CCSER1: variants seen among roughly 807,000 people sequenced by gnomAD.
CCSER1 encodes coiled-coil serine rich protein 1, also known as serine-rich coiled-coil domain-containing protein 1.
In CCSER1, 41 loss-of-function variants were observed where a neutral mutation model predicts 82.0. The ratio of observed to expected loss-of-function variants is 0.50; its 90% confidence interval spans 0.39 to 0.65. CCSER1 has a LOEUF of 0.65. Among genes scored for constraint, CCSER1 ranks in the 30% least tolerant of loss-of-function variants. The pLI is 0.00. For missense variants in CCSER1, 1,119 were observed against 1,064.2 expected, an observed-to-expected ratio of 1.05 and a Z score of -0.72; for synonymous variants, 414 against 383.9, an observed-to-expected ratio of 1.08 and a Z score of -0.92.
chr4:90,203,704 C>T (rs1738201551), intron 1 of CCSER1, among the ~76,000 whole-genome samples: 1 of 151,888 alleles, frequency 6.6e-6, no homozygotes, highest in South Asian at 2.1e-4. Flanking sequence ...CCTTTATATA[C>T]CAAGTAATGG....
intron 9 of CCSER1, among the ~76,000 whole-genome samples, chr4:91,038,854 C>T (rs377021286): frequency 2.0e-5 from 3 of 151,928 alleles, no homozygotes; most frequent in African/African-American, 4.8e-5. Flanking sequence ...ATTTAAATAT[C>T]TTGCAGTGGC....
At chr4:90,233,198 C>A (rs1031479977) in intron 1 of CCSER1, among the ~76,000 whole-genome samples, 24 of 152,144 alleles carry the variant, frequency 1.6e-4, no homozygotes, top group Admixed American at 1.0e-3. Flanking sequence ...GCATTATTCA[C>A]AATAGCAAAG....
intron 10 of CCSER1, among the ~76,000 whole-genome samples, chr4:91,192,541 T>C (rs1735090380): frequency 6.6e-6 from 1 of 152,108 alleles, no homozygotes; most frequent in African/African-American, 2.4e-5. Flanking sequence ...TGTCAAATGC[T>C]CTCTTTCCTT....
At chr4:91,132,845 A>G (rs1728113542) in intron 10 of CCSER1, among the ~76,000 whole-genome samples, 1 of 152,214 alleles carries the variant, frequency 6.6e-6, no homozygotes, top group African/African-American at 2.4e-5. Flanking sequence ...ATCTTAAAAT[A>G]TATGACCTCT....
chr4:90,912,828 C>A (rs974121476), intron 8 of CCSER1, among the ~76,000 whole-genome samples: 1 of 152,176 alleles, frequency 6.6e-6, no homozygotes, highest in African/African-American at 2.4e-5. Flanking sequence ...GTCACGAGAA[C>A]TACGTGACGA....
At chr4:90,271,860 ATATTTTTTTTTTTTTT>A (rs1452741785) in intron 1 of CCSER1, among the ~76,000 whole-genome samples, 5 of 22,250 alleles carry the variant, frequency 2.2e-4, no homozygotes, top group African/African-American at 1.9e-3. Flanking sequence ...ATATATATAT[ATATTTTTTTTTTTTTT>A]TTTTTTTTTT....
At chr4:90,839,095 AG>A in intron 8 of CCSER1, 1 of 1,318,850 alleles carries the variant, frequency 7.6e-7, no homozygotes, top group Non-Finnish European at 1.1e-6. Context: ...TGGTCTGCGC[AG>A]TGGCCACCAC....
chr4:90,240,676 A>T (rs1746666278), intron 1 of CCSER1, among the ~76,000 whole-genome samples: 1 of 152,224 alleles, frequency 6.6e-6, no homozygotes, highest in Admixed American at 6.5e-5. Flanking sequence ...ACTAGCACAC[A>T]TTGCCTTACA....
chr4:91,194,331 G>A (rs887323434), intron 10 of CCSER1, among the ~76,000 whole-genome samples: 7 of 152,084 alleles, frequency 4.6e-5, no homozygotes, highest in African/African-American at 1.7e-4. Context: ...ATCATGAAAG[G>A]TTTTATTCTA....
intron 4 of CCSER1, among the ~76,000 whole-genome samples, chr4:90,407,920 C>T (rs1053465909): frequency 6.6e-6 from 1 of 152,146 alleles, no homozygotes; most frequent in African/African-American, 2.4e-5. Context: ...TCTGGAAAAT[C>T]GGGTCACTCC....
intron 1 of CCSER1, among the ~76,000 whole-genome samples, chr4:90,229,231 T>C (rs1173266280): frequency 6.6e-6 from 1 of 152,106 alleles, no homozygotes; most frequent in Admixed American, 6.5e-5. Flanking sequence ...AAAGGTCGGG[T>C]TACCCACAAA....
intron 7 of CCSER1, among the ~76,000 whole-genome samples, chr4:90,739,488 T>G (rs1606752): frequency 6.6e-6 from 1 of 152,128 alleles, no homozygotes; most frequent in Non-Finnish European, 1.5e-5. Flanking sequence ...CATTGGGTCA[T>G]GTGCATCTTA....
At chr4:91,003,482 T>C (rs550578153) in intron 9 of CCSER1, among the ~76,000 whole-genome samples, 6 of 152,180 alleles carry the variant, frequency 3.9e-5, no homozygotes, top group Admixed American at 3.3e-4. Flanking sequence ...TACTGTGTCA[T>C]GAAGGTTGTC....
intron 10 of CCSER1, among the ~76,000 whole-genome samples, chr4:91,131,792 G>A (rs939936923): frequency 3.3e-5 from 5 of 151,902 alleles, no homozygotes; most frequent in African/African-American, 1.2e-4. Flanking sequence ...CAACTTTTCT[G>A]ATCTATTTCA....
chr4:90,182,415 A>G (rs1483062663), intron 1 of CCSER1, among the ~76,000 whole-genome samples: 1 of 152,152 alleles, frequency 6.6e-6, no homozygotes, highest in Non-Finnish European at 1.5e-5. Context: ...TTAGCCCAGA[A>G]GCAGTAGGAC....
chr4:91,218,035 G>A (rs1737410218), intron 10 of CCSER1, among the ~76,000 whole-genome samples: 1 of 152,214 alleles, frequency 6.6e-6, no homozygotes, highest in Admixed American at 6.5e-5. Flanking sequence ...TGCTTGTCGG[G>A]GAGGCTCCGG....
At chr4:90,894,281 A>G (rs917263641) in intron 8 of CCSER1, among the ~76,000 whole-genome samples, 44 of 152,068 alleles carry the variant, frequency 2.9e-4, no homozygotes, top group Admixed American at 2.5e-3. Flanking sequence ...ATCTCCATGC[A>G]TTATTTTAAT....
intron 10 of CCSER1, among the ~76,000 whole-genome samples, chr4:91,373,328 C>T (rs1480624721): frequency 2.6e-5 from 4 of 152,010 alleles, no homozygotes; most frequent in African/African-American, 7.2e-5. Context: ...TTGTATCAAC[C>T]CCGCCTCGAG....
chr4:91,305,461 GA>G (rs1228711355), intron 10 of CCSER1, among the ~76,000 whole-genome samples: 2 of 151,956 alleles, frequency 1.3e-5, no homozygotes, highest in African/African-American at 4.8e-5. Context: ...TGTAAAGCAT[GA>G]AAACACAAAT....
Sources: gnomAD v4.1 joint callset for allele counts (sites outside exome capture counted in the v4.1 genomes callset) on GRCh38, gnomAD v4.1.1 for gene constraint, MANE v1.5 for transcripts, NCBI Gene and HGNC (gene_info 2026-07-23, HGNC 2026-07-21) for gene names.